PPP2R2C: variants seen among roughly 807,000 people sequenced by gnomAD.
PPP2R2C encodes the protein protein phosphatase 2, regulatory subunit B, gamma.
PPP2R2C carries 10 observed loss-of-function variants against 45.3 expected under a neutral mutation model. The observed-to-expected ratio is 0.22, with a 90% confidence interval of 0.14 to 0.37. The LOEUF is 0.37. PPP2R2C is among the 10% of genes least tolerant of loss of function. The probability of loss-of-function intolerance (pLI) is 1.00; values close to 1 mark genes in which losing one functional copy is unlikely to be tolerated. For missense variants in PPP2R2C, 308 were observed against 619.7 expected, an observed-to-expected ratio of 0.50 and a Z score of 5.34; for synonymous variants, 257 against 245.4, an observed-to-expected ratio of 1.05 and a Z score of -0.44.
rs1342797539 is a variant in PPP2R2C at position 6,472,170 on chromosome 4, A to G, written c.60T>C (p.Tyr20=). Residue 20 remains tyrosine (Y), a synonymous_variant, in exon 1 of 9, where the codon TAT becomes TAC. Coordinates refer to ENST00000382599, the MANE Select transcript of PPP2R2C (RefSeq NM_020416.4). ...INHSFLRDHS[Y]VTEADIISTV... ...CAACACGTACGTTACCTTCAGTCAC[A>G]TAGCTGTGGTCCCGCAGGAAGCTGT... 6.2e-7 allele frequency: 1 copy of G among 1,613,602 alleles called. No homozygotes were observed. The highest frequency in any genetic ancestry group is 1.7e-5 in the Admixed American group (1 of 60,020).
intron 6 of PPP2R2C, among the ~76,000 whole-genome samples, chr4:6,340,717 G>C (rs1176748376): frequency 6.6e-6 from 1 of 152,206 alleles, no homozygotes; most frequent in African/African-American, 2.4e-5. Flanking sequence ...TTCCCCACTG[G>C]GCAGCCAGAG....
intron 5 of PPP2R2C, chr4:6,350,216 G>A: frequency 7.1e-6 from 7 of 985,464 alleles, no homozygotes; most frequent in Non-Finnish European, 8.4e-6. Context: ...CTCCTGCCAT[G>A]CTGATTTCTC....
intron 2 of PPP2R2C, among the ~76,000 whole-genome samples, chr4:6,523,167 G>T (rs138292519): frequency 6.6e-6 from 1 of 152,198 alleles, no homozygotes; most frequent in African/African-American, 2.4e-5. Flanking sequence ...CAAGTGCTGC[G>T]GAGGGGCAAG....
intron 2 of PPP2R2C, among the ~76,000 whole-genome samples, chr4:6,511,783 GTGGTGGTGA>G (rs1723548768): frequency 1.9e-5 from 1 of 52,148 alleles, no homozygotes; most frequent in African/African-American, 7.5e-5. Flanking sequence ...GGTGGTAATG[GTGGTGGTGA>G]TGGTGATGGT....
intron 1 of PPP2R2C, among the ~76,000 whole-genome samples, chr4:6,404,180 C>T (rs1446614795): frequency 6.6e-6 from 1 of 152,176 alleles, no homozygotes; most frequent in East Asian, 1.9e-4. Flanking sequence ...CTGCAACAGG[C>T]TTCTGGGGAG....
At chr4:6,520,580 T>G (rs1185800876) in intron 2 of PPP2R2C, among the ~76,000 whole-genome samples, 1 of 152,172 alleles carries the variant, frequency 6.6e-6, no homozygotes, top group African/African-American at 2.4e-5. Context: ...CAATAAAAAC[T>G]GGCAGCCCTG....
chr4:6,465,917 G>A (rs1403207512), intron 1 of PPP2R2C, among the ~76,000 whole-genome samples: 1 of 152,042 alleles, frequency 6.6e-6, no homozygotes, highest in African/African-American at 2.4e-5. Context: ...AGGACTAGGA[G>A]GAAAAGGAAC....
chr4:6,357,511 A>G (rs1713316269), intron 5 of PPP2R2C, among the ~76,000 whole-genome samples: 1 of 152,242 alleles, frequency 6.6e-6, no homozygotes, highest in Non-Finnish European at 1.5e-5. Flanking sequence ...AAGGATGGCT[A>G]TGTGCACAGA....
chr4:6,396,929 G>C (rs1248027059), intron 1 of PPP2R2C, among the ~76,000 whole-genome samples: 1 of 152,132 alleles, frequency 6.6e-6, no homozygotes, highest in Admixed American at 6.5e-5. Flanking sequence ...GCGCACTGAT[G>C]CGAGCCTACT....
rs1732156807 is a variant in PPP2R2C, at chr4:6,328,732, G to C, written c.1052+530C>G. ...TGAGAGACGGCTGGACTTGTGGATT[G>C]TGACAAGCCCTGGAGGGTGTAGGAG... On this transcript the variant is annotated intron_variant, in intron 8 of 8. Coordinates refer to ENST00000382599, the MANE Select transcript of PPP2R2C (RefSeq NM_020416.4). This position sits in a 1 kb window ranked among gnomAD's most constrained non-coding sequence, Gnocchi z 4.4. Among the ~76,000 whole-genome samples the C allele has an allele frequency of 6.6e-6, 1 of 152,200 alleles. No individual in the cohort carries two copies. Among genetic ancestry groups the C allele is most frequent in the Non-Finnish European group, 1.5e-5 (1 of 68,032 alleles).
intron 1 of PPP2R2C, among the ~76,000 whole-genome samples, chr4:6,448,059 G>A (rs1032199149): frequency 5.3e-5 from 8 of 152,102 alleles, no homozygotes; most frequent in South Asian, 2.1e-4. Context: ...ACGACCGGGG[G>A]ATGCACAGCT....
intron 2 of PPP2R2C, among the ~76,000 whole-genome samples, chr4:6,528,230 T>C (rs1448905602): frequency 2.0e-5 from 3 of 152,216 alleles, no homozygotes; most frequent in South Asian, 4.1e-4. Context: ...AAGCCCGCCC[T>C]GGCTCTCCGG....
In PPP2R2C at chr4:6,367,496, A is replaced by G. The variant is rs1014999921; in HGVS notation, c.625+5027T>C. The stretch of plus-strand genomic sequence containing the variant: ...CTTGTCAGGACTCATCAGAACTGTC[A>G]CCCTCTGACAGCCAGAATCCACCCC... On this transcript the variant is annotated intron_variant, in intron 5 of 8. Coordinates refer to ENST00000382599, the MANE Select transcript of PPP2R2C (RefSeq NM_020416.4). Among the ~76,000 whole-genome samples, 14 of 152,104 alleles carry G rather than the reference A, an allele frequency of 9.2e-5. No individual in the cohort carries two copies. In the East Asian group the frequency reaches 2.7e-3, roughly 29 times the overall value.
chr4:6,495,927 C>T (rs151090945), intron 2 of PPP2R2C, among the ~76,000 whole-genome samples: 1 of 152,194 alleles, frequency 6.6e-6, no homozygotes, highest in Admixed American at 6.5e-5. Flanking sequence ...AGGGCCAGTG[C>T]CTTCCAGAAG....
At chr4:6,358,477 T>A (rs1713424567) in intron 5 of PPP2R2C, among the ~76,000 whole-genome samples, 1 of 136,554 alleles carries the variant, frequency 7.3e-6, no homozygotes, top group African/African-American at 2.8e-5. Context: ...AAAGCCAAAA[T>A]AGACAAATGG....
At chr4:6,513,577 T>C (rs1002797361) in intron 2 of PPP2R2C, among the ~76,000 whole-genome samples, 2 of 152,202 alleles carry the variant, frequency 1.3e-5, no homozygotes, top group Non-Finnish European at 2.9e-5. Context: ...AGACCCTATT[T>C]GTGCAGCTCC....
chr4:6,511,718 T>C (rs1318570388), intron 2 of PPP2R2C, among the ~76,000 whole-genome samples: 3 of 52,438 alleles, frequency 5.7e-5, no homozygotes, highest in African/African-American at 1.3e-4. Flanking sequence ...GAGGTGATGG[T>C]GGTGATGGTG....
rs560926574 is a variant in PPP2R2C, at chr4:6,550,626, C to A, written c.-59+12934G>T. Among the ~76,000 whole-genome samples, 11 of 152,308 alleles carry A rather than the reference C, an allele frequency of 7.2e-5. No individual in the cohort carries two copies. In the South Asian group the frequency reaches 2.1e-3, roughly 29 times the overall value. Reference sequence around the variant, plus strand: ...CAGTCTACAATATTTCGCAGAGCATCTTAGGGGGACACTCTTTTTTATTTA... The same window carrying A: ...CAGTCTACAATATTTCGCAGAGCATATTAGGGGGACACTCTTTTTTATTTA... On this transcript the variant is annotated intron_variant, in intron 1 of 9. Coordinates refer to the PPP2R2C transcript ENST00000506140.
chr4:6,407,092 G>A (rs553048663), intron 1 of PPP2R2C, among the ~76,000 whole-genome samples: 46 of 152,358 alleles, frequency 3.0e-4, no homozygotes, highest in Admixed American at 1.6e-3. Context: ...AGGCTACAGA[G>A]GGAACGTAGG....
Sources: allele counts gnomAD v4.1 joint callset (sites outside exome capture counted in the v4.1 genomes callset), GRCh38; gene constraint gnomAD v4.1.1; non-coding constraint Gnocchi (gnomAD v3.1); transcripts MANE v1.5; gene names NCBI Gene and HGNC (gene_info 2026-07-23, HGNC 2026-07-21).